The following NVL variants were observed in gnomAD, a reference collection of about 807,000 sequenced individuals.
NVL encodes the protein nuclear valosin-containing protein-like.
NVL carries 84 observed loss-of-function variants against 110.2 expected under a neutral mutation model. That is an observed-to-expected ratio of 0.76 (90% CI 0.64 to 0.91). The LOEUF (loss-of-function observed/expected upper bound fraction) is 0.91. Among genes scored for constraint, NVL ranks in the 40% least tolerant of loss-of-function variants. The pLI is 0.00. For synonymous variants in NVL, 354 were observed against 361.1 expected (o/e 0.98, Z 0.22); for missense variants, 882 against 1,035.9 (o/e 0.85, Z 2.04).
At chr1:224,289,447 T>C in intron 13 of NVL, 37 bp downstream of exon 13, 1 of 1,607,414 alleles carries the variant, frequency 6.2e-7, no homozygotes, top group Non-Finnish European at 8.5e-7. Flanking sequence ...ACAAAGAACA[T>C]TAAAAGGACA....
intron 2 of NVL, among the ~76,000 whole-genome samples, chr1:224,321,279 CAAAG>C (rs1358739028): frequency 1.3e-5 from 2 of 152,074 alleles, no homozygotes; most frequent in East Asian, 1.9e-4. Context: ...AAAAATTAAA[CAAAG>C]AGAGAAAGAA....
chr1:224,302,947 G>A, intron 9 of NVL: 1 of 310,150 alleles, frequency 3.2e-6, no homozygotes, highest in Non-Finnish European at 6.4e-6. Context: ...TACTCGGGAG[G>A]CTGAGGTGGG....
intron 12 of NVL, among the ~76,000 whole-genome samples, chr1:224,292,911 C>T (rs1461738140): frequency 4.6e-5 from 7 of 151,946 alleles, no homozygotes; most frequent in African/African-American, 9.7e-5. Flanking sequence ...CCATCACGCC[C>T]GGCTAATTTT....
At position 224,308,260 on chromosome 1, in the gene NVL, C is replaced by T. The variant is rs915096910; in HGVS notation, c.346G>A (p.Ala116Thr). ...AGCAGGGAACTGTTCATGTGATTTG[C>T]TGACTGGCAGAAAGATAAAACAAAA... is the stretch of plus-strand genomic sequence containing the variant. ...SMEDYPDPQS[A>T]NHMNSSLLSL... Residue 116 changes from alanine (A) to threonine (T), a missense_variant, in exon 6 of 23, where the codon GCA (alanine) becomes ACA (threonine). Physicochemically the swap from Ala to Thr is moderately conservative, Grantham distance 58 (BLOSUM62 0). This residue lies in a region of NVL where 274 missense variants were observed against 268.4 expected (regional missense o/e 1.02). Coordinates refer to ENST00000281701, the MANE Select transcript of NVL (RefSeq NM_002533.4). 4 of 1,591,082 alleles carry T rather than the reference C, an allele frequency of 2.5e-6. No individual in the cohort carries two copies. Among genetic ancestry groups the T allele is most frequent in the African/African-American group, 2.7e-5 (2 of 74,016 alleles).
At chr1:224,242,247 GAATGTACTT>G (rs1661282253) in intron 19 of NVL, among the ~76,000 whole-genome samples, 1 of 152,046 alleles carries the variant, frequency 6.6e-6, no homozygotes, top group African/African-American at 2.4e-5. Context: ...ACAACAATGT[GAATGTACTT>G]AATGCCACAG....
intron 15 of NVL, among the ~76,000 whole-genome samples, chr1:224,283,898 G>C (rs1571942719): frequency 1.3e-5 from 2 of 152,160 alleles, no homozygotes; most frequent in Non-Finnish European, 2.9e-5. Flanking sequence ...AAAATTAGTA[G>C]TATAAATAAA....
chr1:224,323,962 T>C (rs1670904930), intron 2 of NVL, among the ~76,000 whole-genome samples: 1 of 152,232 alleles, frequency 6.6e-6, no homozygotes, highest in Non-Finnish European at 1.5e-5. Flanking sequence ...TGTCCTGCCA[T>C]TGTACAATTG....
chr1:224,267,334 G>A (rs1571887238), intron 18 of NVL, among the ~76,000 whole-genome samples: 1 of 152,176 alleles, frequency 6.6e-6, no homozygotes, highest in Non-Finnish European at 1.5e-5. Flanking sequence ...TCTCGTTTTT[G>A]TTTCCTATAA....
At chr1:224,243,179 G>A (rs1358632949) in intron 19 of NVL, among the ~76,000 whole-genome samples, 3 of 151,812 alleles carry the variant, frequency 2.0e-5, no homozygotes, top group African/African-American at 7.3e-5. Context: ...TTAATGAAAG[G>A]GCCGGGTGTA....
chr1:224,305,262 C>T (rs1668803366), intron 6 of NVL, 96 bp from the exon 7 acceptor site: 2 of 1,236,886 alleles, frequency 1.6e-6, no homozygotes, highest in Non-Finnish European at 2.2e-6. Context: ...AAAATTCATT[C>T]CTGCCCTAGC....
At chr1:224,234,541 G>A (rs1216033640) in intron 20 of NVL, among the ~76,000 whole-genome samples, 1 of 151,198 alleles carries the variant, frequency 6.6e-6, no homozygotes, top group Non-Finnish European at 1.5e-5. Flanking sequence ...CAACCTCTGC[G>A]TCCTGGGTAT....
intron 6 of NVL, among the ~76,000 whole-genome samples, chr1:224,305,839 G>A (rs756719714): frequency 7.2e-5 from 11 of 152,198 alleles, no homozygotes; most frequent in Non-Finnish European, 1.5e-4. Context: ...CGCCCTGCAC[G>A]GCCCTCTTTC....
intron 19 of NVL, among the ~76,000 whole-genome samples, chr1:224,249,613 C>T (rs1662242809): frequency 6.6e-6 from 1 of 152,126 alleles, no homozygotes; most frequent in African/African-American, 2.4e-5. Flanking sequence ...GACGTGGTGG[C>T]GAGCACCTGT....
intron 5 of NVL, among the ~76,000 whole-genome samples, chr1:224,310,346 A>C (rs1252332981): frequency 2.0e-5 from 3 of 152,130 alleles, no homozygotes; most frequent in Non-Finnish European, 2.9e-5. Context: ...GAGCATTTGC[A>C]GGTATTCATG....
At chr1:224,279,120 G>T (rs1160942403) in intron 16 of NVL, among the ~76,000 whole-genome samples, 4 of 151,954 alleles carry the variant, frequency 2.6e-5, no homozygotes, top group African/African-American at 9.7e-5. Context: ...ACAAATATAT[G>T]CAAAGATATA....
In NVL at chr1:224,242,470, G is replaced by A. The variant is rs527898612; in HGVS notation, c.2290-5888C>T. 1.7e-4 allele frequency among the ~76,000 whole-genome samples: 26 copies of A among 148,992 alleles called. No individual in the cohort carries two copies. In the South Asian group the frequency reaches 4.4e-3, roughly 25 times the overall value. ...TTTATTTTAACAAATATTTTCATTT[G>A]GTCATACAAATCTATTCTTTTTTTT... On this transcript the variant is annotated intron_variant, in intron 19 of 22. Coordinates refer to ENST00000281701, the MANE Select transcript of NVL (RefSeq NM_002533.4).
intron 20 of NVL, among the ~76,000 whole-genome samples, chr1:224,234,424 A>G (rs981734270): frequency 2.0e-5 from 3 of 152,152 alleles, no homozygotes; most frequent in Non-Finnish European, 4.4e-5. Context: ...CATTAAACTT[A>G]TTATATAATG....
chr1:224,259,387 C>T (rs1457402752), intron 18 of NVL, among the ~76,000 whole-genome samples: 13 of 151,270 alleles, frequency 8.6e-5, no homozygotes, highest in African/African-American at 3.2e-4. Flanking sequence ...CACACATGGC[C>T]CAGGTGATGC....
chr1:224,308,760 T>C (rs1669202313), intron 5 of NVL, among the ~76,000 whole-genome samples: 1 of 146,926 alleles, frequency 6.8e-6, no homozygotes, highest in Non-Finnish European at 1.5e-5. Context: ...AAGCATTTAC[T>C]ATTCAAAAAG....
Sources: gnomAD v4.1 joint callset for allele counts (sites outside exome capture counted in the v4.1 genomes callset) on GRCh38, gnomAD v4.1.1 for gene constraint, gnomAD v4.1.1 regional missense constraint, MANE v1.5 for transcripts, NCBI Gene and HGNC (gene_info 2026-07-23, HGNC 2026-07-21) for gene names.